The following SH2B3 variants were observed in gnomAD, a reference collection of about 807,000 sequenced individuals.
The protein encoded by SH2B3 is SH2B adaptor protein 3, also known as SH2B adapter protein 3.
Under a neutral mutation model 51.9 loss-of-function variants are expected in SH2B3, and 43 were observed. That is an observed-to-expected ratio of 0.83 (90% CI 0.65 to 1.07). The LOEUF (loss-of-function observed/expected upper bound fraction) is 1.07. Among genes scored for constraint, SH2B3 ranks in the 50% least tolerant of loss-of-function variants. SH2B3 has a pLI of 0.00. For synonymous variants in SH2B3, 396 were observed against 376.0 expected (o/e 1.05, Z -0.62); for missense variants, 952 against 834.3 (o/e 1.14, Z -1.74).
Position 111,412,345 on chromosome 12 carries a change from TG to T in SH2B3, c.-27-5772del, listed in dbSNP as rs542754604. Among the ~76,000 whole-genome samples the T allele has an allele frequency of 7.9e-5, 12 of 152,286 alleles. No individual in the cohort carries two copies. In the South Asian group the frequency reaches 2.5e-3, roughly 32 times the overall value. On this transcript the variant is annotated intron_variant, in intron 1 of 7. Coordinates refer to ENST00000341259, the MANE Select transcript of SH2B3 (RefSeq NM_005475.3). ...TGGGCTACAGCTGACTGCTCTGGGCTGGCAACTTCCTGCCCGGAGCAGCCTG... is the reference window on the plus strand; with the variant it reads ...TGGGCTACAGCTGACTGCTCTGGGCTGCAACTTCCTGCCCGGAGCAGCCTG...
rs1490665031 is a variant in SH2B3 at position 111,410,024 on chromosome 12, C to A, written c.-28+3747C>A. Among the ~76,000 whole-genome samples, 2 of 152,204 alleles carry A rather than the reference C, an allele frequency of 1.3e-5. No individual in the cohort carries two copies. Among genetic ancestry groups the A allele is most frequent in the Non-Finnish European group, 1.5e-5 (1 of 68,026 alleles). ...GCTTCCTTGTGAGCCAGGCCTGGAGCCCCTGGGGGCCCACCCGGATGTGGC... is the reference window on the plus strand; with the variant it reads ...GCTTCCTTGTGAGCCAGGCCTGGAGACCCTGGGGGCCCACCCGGATGTGGC... On this transcript the variant is annotated intron_variant, in intron 1 of 7. Transcript: ENST00000341259. The surrounding 1 kb of genome is among the most constrained non-coding windows in gnomAD (Gnocchi z 4.9).
At chr12:111,421,371 A>G (rs1871540325) in intron 2 of SH2B3, among the ~76,000 whole-genome samples, 1 of 144,888 alleles carries the variant, frequency 6.9e-6, no homozygotes, top group African/African-American at 2.6e-5. Context: ...GAGATTGATC[A>G]CATTGATCGT....
intron 1 of SH2B3, among the ~76,000 whole-genome samples, chr12:111,412,017 G>A (rs573339373): frequency 6.6e-6 from 1 of 152,232 alleles, no homozygotes; most frequent in Non-Finnish European, 1.5e-5. Context: ...AGGCTCCCCC[G>A]AAGCTCTGTG....
rs1593080973 is a variant in SH2B3 at position 111,448,375 on chromosome 12, T to C, written c.*73T>C. 7.2e-6 allele frequency: 8 copies of C among 1,114,060 alleles called. No individual in the cohort carries two copies. The highest frequency in any genetic ancestry group is 2.5e-5 in the East Asian group (1 of 39,334). The allele number at this position is 1,114,060 out of a possible 1,614,324, so 69.0% of individuals were successfully genotyped here. A position where few individuals can be genotyped will look rare whatever the true frequency, so the allele number is the denominator to read the frequency against. On this transcript the variant is annotated 3_prime_UTR_variant, in exon 8 of 8. Coordinates refer to ENST00000341259, the MANE Select transcript of SH2B3 (RefSeq NM_005475.3). The stretch of plus-strand genomic sequence containing the variant: ...CAGAAGTGTGAACTTGTGAATGTAA[T>C]TGATCTTTCCTTCCTTCCAGAGAAA...
intron 2 of SH2B3, chr12:111,444,637 C>T: frequency 1.7e-6 from 1 of 603,312 alleles, no homozygotes; most frequent in Non-Finnish European, 2.1e-6. Context: ...CCTAAAGCCC[C>T]CACAGCTGCT....
chr12:111,446,546 A>G (rs1873978004), intron 2 of SH2B3, among the ~76,000 whole-genome samples: 1 of 152,174 alleles, frequency 6.6e-6, no homozygotes, highest in Admixed American at 6.5e-5. Context: ...CTGCCAGCAC[A>G]TGCTTCTTGG....
At chr12:111,427,639 C>T (rs929710362) in intron 2 of SH2B3, among the ~76,000 whole-genome samples, 3 of 152,194 alleles carry the variant, frequency 2.0e-5, no homozygotes, top group Non-Finnish European at 2.9e-5. Context: ...CATGCCCAGC[C>T]TGCCGGGCCT....
At chr12:111,446,920 C>T (rs1456503505) in intron 3 of SH2B3, 22 bp from the exon 4 acceptor site, 2 of 1,611,072 alleles carry the variant, frequency 1.2e-6, no homozygotes, top group Non-Finnish European at 1.7e-6. Context: ...AGACCCAACC[C>T]TGTTCCCTTC....
At chr12:111,431,814 C>T (rs1427022926) in intron 2 of SH2B3, among the ~76,000 whole-genome samples, 1 of 152,198 alleles carries the variant, frequency 6.6e-6, no homozygotes, top group Non-Finnish European at 1.5e-5. Context: ...ACTATGTTGC[C>T]TAGGCTGGTC....
rs750437393 is a variant in SH2B3, at chr12:111,447,316, A to G, written c.1022-14A>G. The G allele has an allele frequency of 3.7e-6, 6 of 1,606,194 alleles. 1 individual carries two copies. The South Asian group carries it at 5.5e-5, about 15-fold the overall frequency. ...TAGCCCCCTGCGACCACCATCACCCATCTTATCTAACAGGTGCTTCTCCTG... is the reference window on the plus strand; with the variant it reads ...TAGCCCCCTGCGACCACCATCACCCGTCTTATCTAACAGGTGCTTCTCCTG... On this transcript the variant is annotated splice_polypyrimidine_tract_variant and intron_variant, in intron 5 of 7. Transcript: ENST00000341259.
chr12:111,447,668 TCGCTGACAG>T lies in SH2B3; in HGVS notation c.1250_1258del (p.Ser417_Glu420delinsTer), dbSNP rs761097164. 6.2e-7 allele frequency: 1 copy of T among 1,612,518 alleles called. No homozygotes were observed. Among genetic ancestry groups the T allele is most frequent in the Non-Finnish European group, 8.5e-7 (1 of 1,178,962 alleles). On this transcript the variant is annotated stop_gained and inframe_deletion, in exon 7 of 8. Transcript: ENST00000341259. LOFTEE classifies it high-confidence loss of function. ...TCTCCTCCCACAGCACCTGCGCCTG[TCGCTGACAG>T]AGCGGGGCCAGTGCCGTGTGCAGCA...
At chr12:111,423,218 G>C (rs1359043056) in intron 2 of SH2B3, among the ~76,000 whole-genome samples, 2 of 152,162 alleles carry the variant, frequency 1.3e-5, no homozygotes, top group East Asian at 3.9e-4. Context: ...TTTATTCCAA[G>C]CACAATCAGA....
At chr12:111,414,152 C>A (rs184595465) in intron 1 of SH2B3, among the ~76,000 whole-genome samples, 20 of 152,348 alleles carry the variant, frequency 1.3e-4, no homozygotes, top group African/African-American at 4.6e-4. Context: ...GACCCTCCCC[C>A]CTTCAGGGAC....
At position 111,435,566 on chromosome 12, in the gene SH2B3, C is replaced by G. The variant is rs965366878; in HGVS notation, c.733-11187C>G. On this transcript the variant is annotated intron_variant, in intron 2 of 7. Transcript: ENST00000341259. The surrounding 1 kb of genome is among the most constrained non-coding windows in gnomAD (Gnocchi z 4.8). ...TAGAGGCAGGGTTTCACCATGTTGG[C>G]CAGGCTGGTCTCGAACTCCTGACCT... Among the ~76,000 whole-genome samples the G allele has an allele frequency of 6.6e-6, 1 of 152,176 alleles. No homozygotes were observed. The highest frequency in any genetic ancestry group is 1.5e-5 in the Non-Finnish European group (1 of 68,030).
rs772761632 is a variant in SH2B3 at position 111,448,249 on chromosome 12, T to G, written c.1675T>G (p.Ser559Ala). 3 of 1,614,084 alleles carry G rather than the reference T, an allele frequency of 1.9e-6. No individual in the cohort carries two copies. Among genetic ancestry groups the G allele is most frequent in the East Asian group, 2.2e-5 (1 of 44,876 alleles). Residue 559 changes from serine (S) to alanine (A), a missense_variant, in exon 8 of 8, where the codon TCA (serine) becomes GCA (alanine). Coordinates refer to ENST00000341259, the MANE Select transcript of SH2B3 (RefSeq NM_005475.3). ...RARDSDYEMD[S>A]SSRSHLRAID... The stretch of plus-strand genomic sequence containing the variant: ...CCGGGACTCGGACTACGAAATGGAC[T>G]CATCCTCCCGGAGCCACCTGCGGGC...
chr12:111,406,789 CCT>C lies in SH2B3; in HGVS notation c.-28+516_-28+517del, dbSNP rs1319108242. Among the ~76,000 whole-genome samples the C allele has an allele frequency of 6.6e-6, 1 of 152,234 alleles. No individual in the cohort carries two copies. Among genetic ancestry groups the C allele is most frequent in the Non-Finnish European group, 1.5e-5 (1 of 68,028 alleles). ...GGGTAGCGCCCTGATTCAGGAAGCC[CCT>C]CTCCCCAGTTCCTGCACTGCCGAGG... On this transcript the variant is annotated intron_variant, in intron 1 of 7. Transcript: ENST00000341259. The surrounding 1 kb of genome is among the most constrained non-coding windows in gnomAD (Gnocchi z 5.7).
At position 111,429,436 on chromosome 12, in the gene SH2B3, A is replaced by G. The variant is rs531636781; in HGVS notation, c.732+10559A>G. Among the ~76,000 whole-genome samples, 40 of 152,160 alleles carry G rather than the reference A, an allele frequency of 2.6e-4. No individual in the cohort carries two copies. In the South Asian group the frequency reaches 6.4e-3, roughly 25 times the overall value. On this transcript the variant is annotated intron_variant, in intron 2 of 7. Coordinates refer to ENST00000341259, the MANE Select transcript of SH2B3 (RefSeq NM_005475.3). The surrounding 1 kb of genome is among the most constrained non-coding windows in gnomAD (Gnocchi z 4.4). ...AACCACCGCCTCCAGGGTTCAAGCA[A>G]TTCTCCTGCCTCAGCCTCCCGAGTA...
In SH2B3 at chr12:111,418,505, C is replaced by A; in HGVS notation, c.360C>A (p.Ser120Arg). The A allele has an allele frequency of 7.2e-7, 1 of 1,382,226 alleles. No homozygotes were observed. Among genetic ancestry groups the A allele is most frequent in the South Asian group, 1.5e-5 (1 of 68,844 alleles). The allele number at this position is 1,382,226 out of a possible 1,614,324, so 85.6% of individuals were successfully genotyped here. A position where few individuals can be genotyped will look rare whatever the true frequency, so the allele number is the denominator to read the frequency against. The change falls in exon 2 of 8, where the codon AGC becomes AGA. Residue 120 changes from serine (S) to arginine (R), a missense_variant. By Grantham distance (110) the Ser-to-Arg change is moderately radical (BLOSUM62 -1). Transcript: ENST00000341259. This position sits in a 1 kb window ranked among gnomAD's most constrained non-coding sequence, Gnocchi z 6.7. ...CCCCTGGCCTGCCCAAGGCCCGCAGCTCTGAGGAGCTGGCCCCGCCGCGGC... is the reference window on the plus strand; with the variant it reads ...CCCCTGGCCTGCCCAAGGCCCGCAGATCTGAGGAGCTGGCCCCGCCGCGGC... ...PAAPGLPKAR[S>R]SEELAPPRPP...
At chr12:111,442,857 C>T (rs1032072339) in intron 2 of SH2B3, among the ~76,000 whole-genome samples, 15 of 152,216 alleles carry the variant, frequency 9.9e-5, no homozygotes, top group Admixed American at 9.8e-4. Context: ...GAGCTCTGGC[C>T]TTTGACTGGT....
Sources: gnomAD v4.1 joint callset for allele counts (sites outside exome capture counted in the v4.1 genomes callset) on GRCh38, gnomAD v4.1.1 for gene constraint, Gnocchi (gnomAD v3.1) non-coding constraint, MANE v1.5 for transcripts, NCBI Gene and HGNC (gene_info 2026-07-23, HGNC 2026-07-21) for gene names.